The following SAT2 variants were observed in gnomAD, a reference collection of about 807,000 sequenced individuals.
SAT2 encodes spermidine/spermine N1-acetyltransferase family member 2, also known as thialysine N-epsilon-acetyltransferase.
SAT2 carries 19 observed loss-of-function variants against 24.8 expected under a neutral mutation model. The ratio of observed to expected loss-of-function variants is 0.77; its 90% CI spans 0.53 to 1.12. The LOEUF (loss-of-function observed/expected upper bound fraction) is 1.12, where lower values mean the gene tolerates loss of function less well. Ranked by LOEUF, SAT2 falls within the 50% of genes most tolerant of loss-of-function variation. SAT2 has a pLI of 0.00. For missense variants in SAT2, 190 were observed against 210.7 expected, an observed-to-expected ratio of 0.90 and a Z score of 0.61; for synonymous variants, 77 against 77.4, an observed-to-expected ratio of 0.99 and a Z score of 0.03.
rs762311821 is a variant in SAT2 at position 7,626,500 on chromosome 17, A to C, written c.460T>G (p.Trp154Gly). ...TCTCCTTGAAAGCAGAAGAAGTGCCAGCCCTCAGCTTCCGTCAGATCTTGG... is the reference window on the plus strand; with the variant it reads ...TCTCCTTGAAAGCAGAAGAAGTGCCCGCCCTCAGCTTCCGTCAGATCTTGG... ...GAQDLTEAEG[W>G]HFFCFQGEAT... The change falls in exon 6 of 6, where the codon TGG becomes GGG. Residue 154 changes from tryptophan (W) to glycine (G), a missense_variant. Physicochemically the swap from Trp to Gly is radical, Grantham distance 184. Coordinates refer to ENST00000269298, the MANE Select transcript of SAT2 (RefSeq NM_133491.5). The C allele has an allele frequency of 2.2e-5, 36 of 1,614,034 alleles. No individual in the cohort carries two copies. The highest frequency in any genetic ancestry group is 3.1e-5 in the Non-Finnish European group (36 of 1,180,050).
In SAT2 at chr17:7,627,735, A is replaced by C; in HGVS notation, c.-100T>G. 1.5e-6 allele frequency: 2 copies of C among 1,319,092 alleles called. No homozygotes were observed. Among genetic ancestry groups the C allele is most frequent in the Non-Finnish European group, 2.2e-6 (2 of 921,154 alleles). The allele number at this position is 1,319,092 out of a possible 1,614,324, so 81.7% of individuals were successfully genotyped here. On this transcript the variant is annotated 5_prime_UTR_variant, in exon 1 of 6. Coordinates refer to ENST00000269298, the MANE Select transcript of SAT2 (RefSeq NM_133491.5). The surrounding 1 kb of genome is among the most constrained non-coding windows in gnomAD (Gnocchi z 4.8). ...ACTTGGATCCTGAAGAGCCTGAGAG[A>C]GCGGGGTGGCGGGAGTCGGGGGGGA...
rs1049299972 is a variant in SAT2 at position 7,627,281 on chromosome 17, C to T, written c.119-55G>A. ...TAGAGAAAGAGGACGTGGGTGTATGCCCAGCCTGGAGCTGTCGCCTGGGGA... is the reference window on the plus strand; with the variant it reads ...TAGAGAAAGAGGACGTGGGTGTATGTCCAGCCTGGAGCTGTCGCCTGGGGA... On this transcript the variant is annotated intron_variant, in intron 2 of 5. Transcript: ENST00000269298. This position sits in a 1 kb window ranked among gnomAD's most constrained non-coding sequence, Gnocchi z 4.8. The T allele has an allele frequency of 4.3e-6, 7 of 1,611,984 alleles. No individual in the cohort carries two copies. Among genetic ancestry groups the T allele is most frequent in the Non-Finnish European group, 5.1e-6 (6 of 1,178,370 alleles).
chr17:7,627,460 T>A lies in SAT2; in HGVS notation c.67-46A>T. On this transcript the variant is annotated intron_variant, in intron 1 of 5. Coordinates refer to ENST00000269298, the MANE Select transcript of SAT2 (RefSeq NM_133491.5). The surrounding 1 kb of genome is among the most constrained non-coding windows in gnomAD (Gnocchi z 4.8). ...CTAGATTAGAGCAGAAGGGCCCCGCTGCTCCCCGAGCAGGTTCCCAAGGCG... is the reference window on the plus strand; with the variant it reads ...CTAGATTAGAGCAGAAGGGCCCCGCAGCTCCCCGAGCAGGTTCCCAAGGCG... 1 of 1,612,172 alleles carries A rather than the reference T, an allele frequency of 6.2e-7. No homozygotes were observed. The highest frequency in any genetic ancestry group is 8.5e-7 in the Non-Finnish European group (1 of 1,178,438).
rs762186790 is a variant in SAT2 at position 7,626,598 on chromosome 17, C to G, written c.362G>C (p.Gly121Ala). Residue 121 changes from glycine to alanine, a missense_variant, in exon 6 of 6, where the codon GGC (glycine) becomes GCC (alanine). Physicochemically the swap from Gly to Ala is moderately conservative, Grantham distance 60 (BLOSUM62 0). Coordinates refer to ENST00000269298, the MANE Select transcript of SAT2 (RefSeq NM_133491.5). ...GACGGCCAGGCGGAATTGGGAGCAGCCCTTATCCAAGGCCACCTGTGGGAG... is the reference window on the plus strand; with the variant it reads ...GACGGCCAGGCGGAATTGGGAGCAGGCCTTATCCAAGGCCACCTGTGGGAG... ...KKVAEVALDK[G>A]CSQFRLAVLD... is the part of the protein sequence containing the mutation. The G allele has an allele frequency of 6.8e-6, 11 of 1,613,196 alleles. No homozygotes were observed. The South Asian group carries it at 1.2e-4, about 18-fold the overall frequency.
chr17:7,626,953 C>T lies in SAT2; in HGVS notation c.294G>A (p.Pro98=), dbSNP rs858520. The T allele has an allele frequency of 0.36, 584,645 of 1,612,372 alleles. 111,451 individuals carry two copies. Among genetic ancestry groups the T allele is most frequent in the Middle Eastern group, 0.51 (3,062 of 6,044 alleles). ...TIYLEDIYVM[P]EYRGQGIGSK... ...GCTTCTGCCCAGTACCCCGATATTCCGGCATCACATAGATATCCTCCAGAT... is the reference window on the plus strand; with the variant it reads ...GCTTCTGCCCAGTACCCCGATATTCTGGCATCACATAGATATCCTCCAGAT... Residue 98 remains proline, a synonymous_variant, in exon 4 of 6, where the codon CCG becomes CCA. Transcript: ENST00000269298.
rs1487024032 is a variant in SAT2 at position 7,627,692 on chromosome 17, C to G, written c.-57G>C. ...AGGGCCTCGCAAACGGCAACTAGAC[C>G]CCTTAAAGGGCCTACGGACTTGGAT... On this transcript the variant is annotated 5_prime_UTR_variant, in exon 1 of 6. Transcript: ENST00000269298. This position sits in a 1 kb window ranked among gnomAD's most constrained non-coding sequence, Gnocchi z 4.8. 1 of 1,593,406 alleles carries G rather than the reference C, an allele frequency of 6.3e-7. No homozygotes were observed.
Position 7,627,499 on chromosome 17 carries a change from G to T in SAT2, c.66+71C>A. 6.4e-7 allele frequency: 1 copy of T among 1,564,206 alleles called. No individual in the cohort carries two copies. ...GTTCCCAAGGCGAGCCCCTCCCCCT[G>T]CCCCCGCCTCCTACGACCCCGCTCT... On this transcript the variant is annotated intron_variant, in intron 1 of 5. Coordinates refer to ENST00000269298, the MANE Select transcript of SAT2 (RefSeq NM_133491.5). This position sits in a 1 kb window ranked among gnomAD's most constrained non-coding sequence, Gnocchi z 4.8.
rs1013038705 is a variant in SAT2 at position 7,626,307 on chromosome 17, C to T, written c.*140G>A. The T allele has an allele frequency of 1.1e-6, 1 of 871,360 alleles. No individual in the cohort carries two copies. The highest frequency in any genetic ancestry group is 2.5e-5 in the East Asian group (1 of 40,744). 54.0% of individuals were successfully genotyped at this position (871,360 alleles called of 1,614,324 possible). ...GGTCTCTCCCTCAATTCTGCTCTTC[C>T]AATACTTGAGGATAGGCACCCCTAA... is the stretch of plus-strand genomic sequence containing the variant. On this transcript the variant is annotated 3_prime_UTR_variant, in exon 6 of 6. Coordinates refer to ENST00000269298, the MANE Select transcript of SAT2 (RefSeq NM_133491.5).
At position 7,626,468 on chromosome 17, in the gene SAT2, C is replaced by G; in HGVS notation, c.492G>C (p.Thr164=). ...WHFFCFQGEA[T]RKLAGK The stretch of plus-strand genomic sequence containing the variant: ...GGCGTCACTTTCCTGCCAACTTTCT[C>G]GTTGCCTCTCCTTGAAAGCAGAAGA... Residue 164 remains threonine (T), a synonymous_variant, in exon 6 of 6, where the codon ACG becomes ACC. Coordinates refer to ENST00000269298, the MANE Select transcript of SAT2 (RefSeq NM_133491.5). 1.2e-6 allele frequency: 2 copies of G among 1,614,046 alleles called. No homozygotes were observed. The highest frequency in any genetic ancestry group is 1.7e-6 in the Non-Finnish European group (2 of 1,179,978).
At position 7,626,427 on chromosome 17, in the gene SAT2, AGATCCTCCTAGG is replaced by A. The variant is rs776035312; in HGVS notation, c.*8_*19del. ...ATGGGGAAGGAGAAACTCAAGACAG[AGATCCTCCTAGG>A]GATGGCGTCACTTTCCTGCCAACTT... On this transcript the variant is annotated 3_prime_UTR_variant, in exon 6 of 6. Coordinates refer to ENST00000269298, the MANE Select transcript of SAT2 (RefSeq NM_133491.5). The A allele has an allele frequency of 8.7e-6, 14 of 1,612,954 alleles. No individual in the cohort carries two copies.
chr17:7,626,907 T>A (rs2072227575), intron 4 of SAT2, 36 bp downstream of exon 4: 1 of 1,597,916 alleles, frequency 6.3e-7, no homozygotes. Context: ...TGTGGGGTGC[T>A]TTGCTCCCAC....
In SAT2 at chr17:7,627,748, G is replaced by C. The variant is rs1184658226; in HGVS notation, c.-113C>G. The C allele has an allele frequency of 5.8e-6, 7 of 1,214,010 alleles. No individual in the cohort carries two copies. Among genetic ancestry groups the C allele is most frequent in the South Asian group, 1.2e-5 (1 of 80,598 alleles). The allele number at this position is 1,214,010 out of a possible 1,614,324, so 75.2% of individuals were successfully genotyped here. On this transcript the variant is annotated 5_prime_UTR_variant, in exon 1 of 6. Transcript: ENST00000269298. The surrounding 1 kb of genome is among the most constrained non-coding windows in gnomAD (Gnocchi z 4.8). ...AGAGCCTGAGAGAGCGGGGTGGCGG[G>C]AGTCGGGGGGGACGGCGGGGTAGCC... is the stretch of plus-strand genomic sequence containing the variant.
Position 7,627,751 on chromosome 17 carries a change from T to C in SAT2, c.-116A>G, listed in dbSNP as rs1418143294. ...GCCTGAGAGAGCGGGGTGGCGGGAG[T>C]CGGGGGGGACGGCGGGGTAGCCGCG... On this transcript the variant is annotated 5_prime_UTR_variant, in exon 1 of 6. Coordinates refer to ENST00000269298, the MANE Select transcript of SAT2 (RefSeq NM_133491.5). The surrounding 1 kb of genome is among the most constrained non-coding windows in gnomAD (Gnocchi z 4.8). 1.8e-6 allele frequency: 2 copies of C among 1,113,066 alleles called. No individual in the cohort carries two copies. The highest frequency in any genetic ancestry group is 1.3e-6 in the Non-Finnish European group (1 of 749,158). The allele number at this position is 1,113,066 out of a possible 1,614,324, so 68.9% of individuals were successfully genotyped here. A position where few individuals can be genotyped will look rare whatever the true frequency, so the allele number is the denominator to read the frequency against.
chr17:7,627,302 G>T lies in SAT2; in HGVS notation c.118+61C>A. ...TATGCCCAGCCTGGAGCTGTCGCCT[G>T]GGGAACCCATCCCTCATTTCCTCCC... On this transcript the variant is annotated intron_variant, in intron 2 of 5. Coordinates refer to ENST00000269298, the MANE Select transcript of SAT2 (RefSeq NM_133491.5). This position sits in a 1 kb window ranked among gnomAD's most constrained non-coding sequence, Gnocchi z 4.8. 6.2e-7 allele frequency: 1 copy of T among 1,612,286 alleles called. No homozygotes were observed. The highest frequency in any genetic ancestry group is 8.5e-7 in the Non-Finnish European group (1 of 1,178,492).
In SAT2 at chr17:7,627,360, C is replaced by G; in HGVS notation, c.118+3G>C. ...CGCCAGAACCTGGGCGCTGAGCCCC[C>G]ACCTTCTTCACTGATCTTCACCTGA... On this transcript the variant is annotated splice_donor_region_variant and intron_variant, in intron 2 of 5. Transcript: ENST00000269298. The surrounding 1 kb of genome is among the most constrained non-coding windows in gnomAD (Gnocchi z 4.8). The G allele has an allele frequency of 2.5e-6, 4 of 1,614,198 alleles. No homozygotes were observed. Among genetic ancestry groups the G allele is most frequent in the Non-Finnish European group, 3.4e-6 (4 of 1,180,042 alleles).
In SAT2 at chr17:7,627,573, A is replaced by C. The variant is rs1328421282; in HGVS notation, c.63T>G (p.Ile21Met). 6.2e-7 allele frequency: 1 copy of C among 1,610,044 alleles called. No homozygotes were observed. Among genetic ancestry groups the C allele is most frequent in the African/African-American group, 1.3e-5 (1 of 74,676 alleles). The change falls in exon 1 of 6, where the codon ATT becomes ATG. Residue 21 changes from isoleucine (I) to methionine (M), a missense_variant. By Grantham distance (10) the Ile-to-Met change is conservative. Coordinates refer to ENST00000269298, the MANE Select transcript of SAT2 (RefSeq NM_133491.5). This position sits in a 1 kb window ranked among gnomAD's most constrained non-coding sequence, Gnocchi z 4.8. ...GTTACCGGCCTGCAGTCTTCACCCGAATCAGCCTCAGGATATCTCCACAGT... is the reference window on the plus strand; with the variant it reads ...GTTACCGGCCTGCAGTCTTCACCCGCATCAGCCTCAGGATATCTCCACAGT... ...EGDCGDILRL[I>M]RELAEFEKLS...
At position 7,627,736 on chromosome 17, in the gene SAT2, G is replaced by T; in HGVS notation, c.-101C>A. 7.2e-7 allele frequency: 1 copy of T among 1,384,538 alleles called. No individual in the cohort carries two copies. Among genetic ancestry groups the T allele is most frequent in the Non-Finnish European group, 1.0e-6 (1 of 980,272 alleles). The allele number at this position is 1,384,538 out of a possible 1,614,324, so 85.8% of individuals were successfully genotyped here. A position where few individuals can be genotyped will look rare whatever the true frequency, so the allele number is the denominator to read the frequency against. On this transcript the variant is annotated 5_prime_UTR_variant, in exon 1 of 6. Transcript: ENST00000269298. The surrounding 1 kb of genome is among the most constrained non-coding windows in gnomAD (Gnocchi z 4.8). ...CTTGGATCCTGAAGAGCCTGAGAGA[G>T]CGGGGTGGCGGGAGTCGGGGGGGAC...
Position 7,627,231 on chromosome 17 carries a change from C to G in SAT2, c.119-5G>C, listed in dbSNP as rs2072241342. On this transcript the variant is annotated splice_region_variant and splice_polypyrimidine_tract_variant and intron_variant, in intron 2 of 5. Coordinates refer to ENST00000269298, the MANE Select transcript of SAT2 (RefSeq NM_133491.5). The surrounding 1 kb of genome is among the most constrained non-coding windows in gnomAD (Gnocchi z 4.8). ...CAAAGCCATCTGCTCTCAGGGCTGC[C>G]GAGATTGGAGTTGTGACAAAGAGAT... is the stretch of plus-strand genomic sequence containing the variant. The G allele has an allele frequency of 1.2e-6, 2 of 1,613,966 alleles. No homozygotes were observed. Among genetic ancestry groups the G allele is most frequent in the Non-Finnish European group, 1.7e-6 (2 of 1,179,948 alleles).
chr17:7,626,324 C>T lies in SAT2; in HGVS notation c.*123G>A. 9.5e-7 allele frequency: 1 copy of T among 1,051,944 alleles called. No individual in the cohort carries two copies. The highest frequency in any genetic ancestry group is 1.6e-5 in the South Asian group (1 of 64,296). The allele number at this position is 1,051,944 out of a possible 1,614,324, so 65.2% of individuals were successfully genotyped here. A position where few individuals can be genotyped will look rare whatever the true frequency, so the allele number is the denominator to read the frequency against. On this transcript the variant is annotated 3_prime_UTR_variant, in exon 6 of 6. Coordinates refer to ENST00000269298, the MANE Select transcript of SAT2 (RefSeq NM_133491.5). ...TGCTCTTCCAATACTTGAGGATAGG[C>T]ACCCCTAACCCTCCTTCCTCCAGGG...
Sources: gnomAD v4.1 joint callset for allele counts on GRCh38, gnomAD v4.1.1 for gene constraint, Gnocchi (gnomAD v3.1) non-coding constraint, MANE v1.5 for transcripts, NCBI Gene and HGNC (gene_info 2026-07-23, HGNC 2026-07-21) for gene names.